Variants in KIF5C observed in about 807,000 individuals in gnomAD.
The protein encoded by KIF5C is kinesin heavy chain isoform 5C.
KIF5C carries 18 observed loss-of-function variants against 125.2 expected under a neutral mutation model. The observed-to-expected ratio is 0.14, with a 90% CI of 0.10 to 0.21. The LOEUF (loss-of-function observed/expected upper bound fraction) is 0.21, where lower values mean the gene tolerates loss of function less well. Ranked by LOEUF, KIF5C falls within the 10% of genes least tolerant of loss-of-function variation. The pLI is 1.00. For synonymous variants in KIF5C, 405 were observed against 434.0 expected (o/e 0.93, Z 0.83); for missense variants, 780 against 1,183.8 (o/e 0.66, Z 5.01).
chr2:148,924,023 T>G lies in KIF5C; in HGVS notation c.217+1796T>G, dbSNP rs548254833. Among the ~76,000 whole-genome samples, 1 of 152,296 alleles carries G rather than the reference T, an allele frequency of 6.6e-6. No individual in the cohort carries two copies. Among genetic ancestry groups the G allele is most frequent in the Non-Finnish European group, 1.5e-5 (1 of 68,024 alleles). On this transcript the variant is annotated intron_variant, in intron 2 of 25. Transcript: ENST00000435030. This position sits in a 1 kb window ranked among gnomAD's most constrained non-coding sequence, Gnocchi z 4.0. Reference sequence around the variant, plus strand: ...GCTGACATGATATGACTAACAGACATTTCTAGGGTACCATAAATATGTATG... The same window carrying G: ...GCTGACATGATATGACTAACAGACAGTTCTAGGGTACCATAAATATGTATG...
At chr2:148,951,954 C>A (rs902100408) in intron 10 of KIF5C, among the ~76,000 whole-genome samples, 2 of 152,184 alleles carry the variant, frequency 1.3e-5, no homozygotes, top group Admixed American at 6.5e-5. Context: ...ACAGCCGTGG[C>A]ACCTGTGGGA....
chr2:148,910,300 C>T (rs190019483), intron 1 of KIF5C, among the ~76,000 whole-genome samples: 3 of 152,120 alleles, frequency 2.0e-5, no homozygotes, highest in African/African-American at 7.2e-5. Flanking sequence ...TCACAACTAC[C>T]ATGTGAAGCC....
chr2:148,950,851 G>A (rs1682641771), intron 10 of KIF5C, among the ~76,000 whole-genome samples: 1 of 151,618 alleles, frequency 6.6e-6, no homozygotes, highest in African/African-American at 2.4e-5. Flanking sequence ...GCTATTGTCA[G>A]AGAATCACAA....
intron 10 of KIF5C, among the ~76,000 whole-genome samples, chr2:148,957,271 C>T (rs1330079886): frequency 1.3e-5 from 2 of 152,200 alleles, no homozygotes; most frequent in East Asian, 3.8e-4. Context: ...GACAGCAGAA[C>T]ACTGTGTAAC....
chr2:149,017,153 A>G (rs928394535), intron 25 of KIF5C, among the ~76,000 whole-genome samples: 1 of 152,118 alleles, frequency 6.6e-6, no homozygotes, highest in Non-Finnish European at 1.5e-5. Flanking sequence ...AAATGGAGCG[A>G]TGTGGTGGTA....
intron 12 of KIF5C, among the ~76,000 whole-genome samples, chr2:148,978,168 A>G (rs1681128537): frequency 6.6e-6 from 1 of 151,962 alleles, no homozygotes; most frequent in Non-Finnish European, 1.5e-5. Context: ...CTGGGGGTGG[A>G]CTGAGTCTAA....
At position 148,947,042 on chromosome 2, in the gene KIF5C, G is replaced by C. The variant is rs760573648; in HGVS notation, c.714+19G>C. On this transcript the variant is annotated intron_variant, in intron 8 of 25. Coordinates refer to ENST00000435030, the MANE Select transcript of KIF5C (RefSeq NM_004522.3). ...CGAAAAGGTAATTTGTTCTTTATTT[G>C]TATTATCTATAATTTTCCCCTTTTA... 6.3e-7 allele frequency: 1 copy of C among 1,598,420 alleles called. No individual in the cohort carries two copies. The highest frequency in any genetic ancestry group is 8.5e-7 in the Non-Finnish European group (1 of 1,174,468).
intron 1 of KIF5C, among the ~76,000 whole-genome samples, chr2:148,909,582 C>T (rs1334059518): frequency 6.6e-6 from 1 of 152,068 alleles, no homozygotes; most frequent in Non-Finnish European, 1.5e-5. Context: ...AGACGAGAAA[C>T]CCTAAATTTG....
intron 10 of KIF5C, among the ~76,000 whole-genome samples, chr2:148,956,080 A>G (rs1682784626): frequency 6.6e-6 from 1 of 152,198 alleles, no homozygotes; most frequent in Non-Finnish European, 1.5e-5. Context: ...GCAGGTGGGG[A>G]TGAGACTCAT....
chr2:149,019,251 G>T lies in KIF5C; in HGVS notation c.*8-3827G>T, dbSNP rs561485514. On this transcript the variant is annotated intron_variant, in intron 25 of 25. Transcript: ENST00000435030. ...TGGGGAAGTTGGGATCATAGTGCCC[G>T]TATCACAGGCTTGTCTGGGATTGAA... Among the ~76,000 whole-genome samples the T allele has an allele frequency of 2.6e-5, 4 of 152,284 alleles. No individual in the cohort carries two copies. In the South Asian group the frequency reaches 8.3e-4, roughly 32 times the overall value.
intron 11 of KIF5C, among the ~76,000 whole-genome samples, chr2:148,972,613 C>A (rs1680948001): frequency 6.6e-6 from 1 of 152,200 alleles, no homozygotes; most frequent in Admixed American, 6.5e-5. Flanking sequence ...TGCTACTCTG[C>A]AAACTGAGAA....
At chr2:148,920,715 A>G (rs1041495606) in intron 1 of KIF5C, among the ~76,000 whole-genome samples, 4 of 152,240 alleles carry the variant, frequency 2.6e-5, no homozygotes, top group Non-Finnish European at 5.9e-5. Flanking sequence ...ATAAATAAGT[A>G]GAACATTAAG....
chr2:148,881,508 T>A (rs1442408797), intron 1 of KIF5C, among the ~76,000 whole-genome samples: 1 of 152,100 alleles, frequency 6.6e-6, no homozygotes, highest in Non-Finnish European at 1.5e-5. Flanking sequence ...AGGTTTTTTT[T>A]CCCCCTTTCC....
chr2:149,008,232 T>C (rs923629666), intron 23 of KIF5C, among the ~76,000 whole-genome samples, 165 bp downstream of exon 23: 3 of 152,236 alleles, frequency 2.0e-5, no homozygotes, highest in African/African-American at 7.2e-5. Context: ...AATCCTTTAG[T>C]TCTCAGTGAC....
chr2:148,889,282 C>T (rs1282874114), intron 1 of KIF5C, among the ~76,000 whole-genome samples: 2 of 152,150 alleles, frequency 1.3e-5, no homozygotes, highest in Non-Finnish European at 2.9e-5. Flanking sequence ...ATTCATGTAT[C>T]TTAGAATTTT....
intron 21 of KIF5C, 147 bp from the exon 22 acceptor site, chr2:149,005,246 G>A (rs1195631192): frequency 7.7e-7 from 1 of 1,293,740 alleles, no homozygotes; most frequent in Non-Finnish European, 1.1e-6. Flanking sequence ...GGGTGGGCAT[G>A]GTCAGGGTGG....
In KIF5C at chr2:148,881,818, A is replaced by G. The variant is rs956977710; in HGVS notation, c.126+6075A>G. Among the ~76,000 whole-genome samples the G allele has an allele frequency of 3.4e-5, 5 of 145,576 alleles. No homozygotes were observed. The South Asian group carries it at 8.3e-4, about 24-fold the overall frequency. ...TAATAGAAAGGCTAGGACCAAACCT[A>G]TTTGTTTATGGGGTGATGTGAGCCC... On this transcript the variant is annotated intron_variant, in intron 1 of 25. Transcript: ENST00000435030.
intron 1 of KIF5C, among the ~76,000 whole-genome samples, chr2:148,917,223 A>G (rs192640622): frequency 2.0e-4 from 30 of 152,048 alleles, no homozygotes; most frequent in African/African-American, 7.0e-4. Flanking sequence ...CACTACCTTC[A>G]TGGTTAACAC....
At chr2:148,980,136 C>T (rs897714958) in intron 13 of KIF5C, among the ~76,000 whole-genome samples, 5 of 152,168 alleles carry the variant, frequency 3.3e-5, no homozygotes, top group African/African-American at 1.2e-4. Flanking sequence ...TCCCTTTCAT[C>T]TCTTTAGGAC....
Sources: gnomAD v4.1 joint callset for allele counts (sites outside exome capture counted in the v4.1 genomes callset) on GRCh38, gnomAD v4.1.1 for gene constraint, Gnocchi (gnomAD v3.1) non-coding constraint, MANE v1.5 for transcripts, NCBI Gene and HGNC (gene_info 2026-07-23, HGNC 2026-07-21) for gene names.